COBL: variants seen among roughly 807,000 people sequenced by gnomAD.
COBL encodes cordon-bleu WH2 repeat protein, also known as protein cordon-bleu.
A neutral mutation model predicts 98.8 loss-of-function variants in COBL; 51 were observed. That is an observed-to-expected ratio of 0.52 (90% CI 0.41 to 0.65). The LOEUF (loss-of-function observed/expected upper bound fraction) is 0.65. Among genes scored for constraint, COBL ranks in the 30% least tolerant of loss-of-function variants. The pLI is 0.00. For missense variants in COBL, 1,617 were observed against 1,617.5 expected, an observed-to-expected ratio of 1.00 and a Z score of 0.01; for synonymous variants, 634 against 651.7, an observed-to-expected ratio of 0.97 and a Z score of 0.41.
intron 1 of COBL, among the ~76,000 whole-genome samples, chr7:51,301,305 G>C (rs1801942362): frequency 2.0e-5 from 3 of 152,210 alleles, no homozygotes; most frequent in Admixed American, 2.0e-4. Flanking sequence ...AAGTAAGTGA[G>C]GGAACTTCAA....
intron 1 of COBL, among the ~76,000 whole-genome samples, chr7:51,268,932 T>TTA (rs1798485133): frequency 9.7e-6 from 1 of 103,566 alleles, no homozygotes; most frequent in Non-Finnish European, 1.9e-5. Flanking sequence ...CCCGTCTCAA[T>TTA]AAAAAAAAAA....
intron 1 of COBL, among the ~76,000 whole-genome samples, chr7:51,313,674 C>T (rs1240841359): frequency 6.6e-6 from 1 of 152,204 alleles, no homozygotes; most frequent in African/African-American, 2.4e-5. Context: ...TGCCAAACAG[C>T]AAGCCTTCTT....
chr7:51,083,295 T>C, intron 7 of COBL: 1 of 1,272,828 alleles, frequency 7.9e-7, no homozygotes, highest in Non-Finnish European at 1.0e-6. Context: ...AGGCACCAAA[T>C]CCAACCTCAC....
At chr7:51,051,485 T>C (rs1052646517) in intron 7 of COBL, among the ~76,000 whole-genome samples, 2 of 152,240 alleles carry the variant, frequency 1.3e-5, no homozygotes, top group Admixed American at 1.3e-4. Context: ...TATTTTAAAG[T>C]TCTGTTCTAT....
intron 7 of COBL, among the ~76,000 whole-genome samples, chr7:51,068,597 G>C (rs1314593196): frequency 6.6e-6 from 1 of 152,200 alleles, no homozygotes; most frequent in Non-Finnish European, 1.5e-5. Context: ...TGATGACTAA[G>C]GGATGCAAGG....
chr7:51,071,302 ATTAAT>A (rs1429548397), intron 7 of COBL: 1 of 152,354 alleles, frequency 6.6e-6, no homozygotes, highest in South Asian at 2.1e-4. Context: ...GTTTCACCTA[ATTAAT>A]TTATCTGATT....
At chr7:51,221,746 T>A (rs1160036954) in intron 1 of COBL, among the ~76,000 whole-genome samples, 13 of 152,248 alleles carry the variant, frequency 8.5e-5, no homozygotes, top group Admixed American at 6.5e-4. Context: ...ATTTCCTAAT[T>A]GTTCCATAGT....
intron 1 of COBL, among the ~76,000 whole-genome samples, chr7:51,253,452 C>T (rs981484603): frequency 1.5e-4 from 23 of 152,228 alleles, no homozygotes; most frequent in Non-Finnish European, 2.6e-4. Context: ...ACCCCAGGCA[C>T]AACCTTGTCA....
chr7:51,284,974 G>C (rs1423877786), intron 1 of COBL, among the ~76,000 whole-genome samples: 1 of 147,790 alleles, frequency 6.8e-6, no homozygotes, highest in African/African-American at 2.5e-5. Context: ...TTGAGACAGA[G>C]TCTTGGTCTG....
chr7:51,122,406 A>G (rs1440983064), intron 6 of COBL, among the ~76,000 whole-genome samples: 1 of 152,152 alleles, frequency 6.6e-6, no homozygotes, highest in African/African-American at 2.4e-5. Flanking sequence ...GCCTCTGAAC[A>G]CAATGCTGTC....
Position 51,305,594 on chromosome 7 carries a change from T to G in COBL, c.41+10999A>C, listed in dbSNP as rs117807416. On this transcript the variant is annotated intron_variant, in intron 1 of 12. Coordinates refer to ENST00000265136, the MANE Select transcript of COBL (RefSeq NM_015198.5). ...CATCATAAGGAGGATAAATTACTTT[T>G]GTGAAAGTGACTAAAACTAAGTTAA... Among the ~76,000 whole-genome samples, 22 of 152,334 alleles carry G rather than the reference T, an allele frequency of 1.4e-4. No homozygotes were observed. The East Asian group carries it at 3.9e-3, about 27-fold the overall frequency.
At chr7:51,193,273 G>C in intron 3 of COBL, 106 bp downstream of exon 3, 1 of 991,688 alleles carries the variant, frequency 1.0e-6, no homozygotes, top group Non-Finnish European at 1.5e-6. Flanking sequence ...AGCAGCCTCA[G>C]CCACAGCTCT....
intron 1 of COBL, among the ~76,000 whole-genome samples, chr7:51,225,956 G>A (rs530481135): frequency 6.6e-6 from 1 of 152,336 alleles, no homozygotes; most frequent in South Asian, 2.1e-4. Flanking sequence ...GGTAGACAGG[G>A]ACTGCATGCT....
chr7:51,114,521 A>G (rs1024592175), intron 6 of COBL, among the ~76,000 whole-genome samples: 1 of 152,242 alleles, frequency 6.6e-6, no homozygotes, highest in Admixed American at 6.5e-5. Context: ...TACTGTTTCT[A>G]TAAGACAGTA....
At chr7:51,142,071 A>C (rs1441854585) in intron 5 of COBL, among the ~76,000 whole-genome samples, 2 of 152,180 alleles carry the variant, frequency 1.3e-5, no homozygotes, top group African/African-American at 4.8e-5. Flanking sequence ...AGCGGCAAAG[A>C]AAGAACCATG....
At chr7:51,169,692 G>A (rs1787663428) in intron 5 of COBL, among the ~76,000 whole-genome samples, 1 of 152,152 alleles carries the variant, frequency 6.6e-6, no homozygotes, top group Admixed American at 6.5e-5. Flanking sequence ...GATGGCACAG[G>A]TAGTGGGGAA....
At chr7:51,226,992 A>G (rs2129098636) in intron 1 of COBL, among the ~76,000 whole-genome samples, 1 of 152,272 alleles carries the variant, frequency 6.6e-6, no homozygotes, top group African/African-American at 2.4e-5. Flanking sequence ...TGAGCCTAGG[A>G]CACCACCTAC....
At chr7:51,055,677 G>A (rs1039661821) in intron 7 of COBL, among the ~76,000 whole-genome samples, 8 of 152,170 alleles carry the variant, frequency 5.3e-5, no homozygotes, top group Non-Finnish European at 7.4e-5. Flanking sequence ...GCTGCCGGCC[G>A]GCCGGCCTGG....
intron 7 of COBL, among the ~76,000 whole-genome samples, chr7:51,054,617 A>G (rs911400514): frequency 6.6e-6 from 1 of 152,164 alleles, no homozygotes; most frequent in Non-Finnish European, 1.5e-5. Context: ...CCGCTTGGCC[A>G]GGGGCCCTCG....
Sources: allele counts gnomAD v4.1 joint callset (sites outside exome capture counted in the v4.1 genomes callset), GRCh38; gene constraint gnomAD v4.1.1; transcripts MANE v1.5; gene names NCBI Gene and HGNC (gene_info 2026-07-23, HGNC 2026-07-21).